CELSR2: variants seen among roughly 807,000 people sequenced by gnomAD.
CELSR2 encodes the protein cadherin EGF LAG seven-pass G-type receptor 2.
CELSR2 carries 81 observed loss-of-function variants against 251.6 expected under a neutral mutation model. The observed-to-expected ratio is 0.32, with a 90% CI of 0.27 to 0.39. The LOEUF (loss-of-function observed/expected upper bound fraction) is 0.39. Among genes scored for constraint, CELSR2 ranks in the 10% least tolerant of loss-of-function variants. The pLI, the probability that CELSR2 is intolerant of heterozygous loss-of-function variation, is 1.00. For synonymous variants in CELSR2, 1,721 were observed against 1,670.5 expected, an observed-to-expected ratio of 1.03 and a Z score of -0.74; for missense variants, 3,365 against 3,947.7, an observed-to-expected ratio of 0.85 and a Z score of 3.96.
In CELSR2 at chr1:109,249,836, C is replaced by T. The variant is rs1385944671; in HGVS notation, c.-244C>T. On this transcript the variant is annotated 5_prime_UTR_variant, in exon 1 of 34. Coordinates refer to ENST00000271332, the MANE Select transcript of CELSR2 (RefSeq NM_001408.3). Reference sequence around the variant, plus strand: ...CGGAGCGCAGGTGGAGGCGCGGCGGCAGCCCGCGGTGCTCAGGGTGACCCG... The same window carrying T: ...CGGAGCGCAGGTGGAGGCGCGGCGGTAGCCCGCGGTGCTCAGGGTGACCCG... 6.7e-6 allele frequency among the ~76,000 whole-genome samples: 1 copy of T among 149,984 alleles called. No homozygotes were observed. Among genetic ancestry groups the T allele is most frequent in the Non-Finnish European group, 1.5e-5 (1 of 67,142 alleles).
At chr1:109,260,606 C>T (rs546165466) in intron 2 of CELSR2, among the ~76,000 whole-genome samples, 2 of 152,292 alleles carry the variant, frequency 1.3e-5, no homozygotes, top group East Asian at 1.9e-4. Context: ...TCCCAGCCCT[C>T]CCGCTGTCCT....
rs368719508 is a variant in CELSR2 at position 109,269,439 on chromosome 1, G to A, written c.6828G>A (p.Pro2276=). The part of the protein sequence containing the change: ...DKRSLRVPKR[P]IINTPVVSIS... ...CCCACATCAGAGTCCCCAAACGCCC[G>A]ATCATCAACACACCCGTGGTGAGCA... Residue 2276 remains proline, a synonymous_variant, in exon 21 of 34, where the codon CCG becomes CCA. Transcript: ENST00000271332. This position sits in a 1 kb window ranked among gnomAD's most constrained non-coding sequence, Gnocchi z 6.4. The A allele has an allele frequency of 9.9e-6, 16 of 1,613,652 alleles. No homozygotes were observed. Among genetic ancestry groups the A allele is most frequent in the African/African-American group, 5.3e-5 (4 of 74,902 alleles).
chr1:109,252,392 T>C lies in CELSR2; in HGVS notation c.2313T>C (p.Ala771=), dbSNP rs1372235469. 6.2e-7 allele frequency: 1 copy of C among 1,613,230 alleles called. No homozygotes were observed. The highest frequency in any genetic ancestry group is 8.5e-7 in the Non-Finnish European group (1 of 1,180,024). ...DADTGAVTTQ[A]ELDYEDQVSY... ...ACACGGGGGCTGTCACCACCCAGGC[T>C]GAGCTGGACTATGAAGACCAAGTGT... Residue 771 remains alanine (A), a synonymous_variant, in exon 1 of 34, where the codon GCT becomes GCC. Transcript: ENST00000271332. This position sits in a 1 kb window ranked among gnomAD's most constrained non-coding sequence, Gnocchi z 4.8.
chr1:109,273,396 C>A (rs770620411), intron 32 of CELSR2, 40 bp from the exon 33 acceptor site: 1 of 1,607,646 alleles, frequency 6.2e-7, no homozygotes, highest in Non-Finnish European at 8.5e-7. Context: ...ACCTCACATT[C>A]TCCTGTGGCC....
Position 109,253,337 on chromosome 1 carries a change from C to A in CELSR2, c.3258C>A (p.Arg1086=), listed in dbSNP as rs148218426. 2 of 1,613,384 alleles carry A rather than the reference C, an allele frequency of 1.2e-6. No homozygotes were observed. Among genetic ancestry groups the A allele is most frequent in the Admixed American group, 1.7e-5 (1 of 60,028 alleles). The change falls in exon 1 of 34, where the codon CGC becomes CGA. Residue 1086 remains arginine (R), a synonymous_variant. Transcript: ENST00000271332. The stretch of plus-strand genomic sequence containing the variant: ...CCACGGGTGAGCTGAAGCTAAGCCG[C>A]GCACTGGACAACAACCGGCCTCTGG... The part of the protein sequence containing the change: ...NASTGELKLS[R]ALDNNRPLEA...
chr1:109,271,467 C>A lies in CELSR2; in HGVS notation c.7758C>A (p.Asp2586Glu). The A allele has an allele frequency of 6.2e-7, 1 of 1,614,152 alleles. No individual in the cohort carries two copies. The highest frequency in any genetic ancestry group is 1.6e-4 in the Middle Eastern group (1 of 6,062). ...WLLALLSVNS[D>E]TLLFHYLFAT... is the part of the protein sequence containing the mutation. ...TGGCACTGCTCTCTGTCAACAGCGA[C>A]ACCCTCCTCTTCCACTACCTCTTTG... The change falls in exon 27 of 34, where the codon GAC becomes GAA. Residue 2586 changes from aspartate to glutamate, a missense_variant. Physicochemically the swap from Asp to Glu is conservative, Grantham distance 45. Coordinates refer to ENST00000271332, the MANE Select transcript of CELSR2 (RefSeq NM_001408.3).
rs756446739 is a variant in CELSR2 at position 109,270,934 on chromosome 1, C to T, written c.7491C>T (p.Ala2497=). ...WGVPAFITGL[A]VGLDPEGYGN... is the part of the protein sequence containing the mutation. ...TCTGTCTCCATGCTCCAGGGCTAGC[C>T]GTGGGCCTGGACCCCGAGGGCTACG... is the stretch of plus-strand genomic sequence containing the variant. Residue 2497 remains alanine, a synonymous_variant, in exon 25 of 34, where the codon GCC becomes GCT. Transcript: ENST00000271332. The T allele has an allele frequency of 3.3e-5, 54 of 1,612,270 alleles. No individual in the cohort carries two copies. The highest frequency in any genetic ancestry group is 8.9e-5 in the East Asian group (4 of 44,878).
In CELSR2 at chr1:109,271,696, C is replaced by T. The variant is rs1656377217; in HGVS notation, c.7900C>T (p.Leu2634=). The T allele has an allele frequency of 2.5e-6, 4 of 1,614,006 alleles. No individual in the cohort carries two copies. The highest frequency in any genetic ancestry group is 3.3e-4 in the Middle Eastern group (2 of 6,062). Residue 2634 remains leucine (L), a synonymous_variant, in exon 28 of 34, where the codon CTG becomes TTG. Transcript: ENST00000271332. ...CSRKPSPDPA[L]TTKSTLTSSY... ...CCGCAAGCCCAGCCCTGACCCTGCTCTGACCACCAAGTCCACCCTGACCTC... is the reference window on the plus strand; with the variant it reads ...CCGCAAGCCCAGCCCTGACCCTGCTTTGACCACCAAGTCCACCCTGACCTC...
At chr1:109,270,843 G>A (rs1461019707) in intron 24 of CELSR2, 84 bp from the exon 25 acceptor site, 52 of 1,048,584 alleles carry the variant, frequency 5.0e-5, no homozygotes, top group Admixed American at 1.2e-4. Flanking sequence ...TTCATGCCTG[G>A]CCCTGTGAGC....
chr1:109,273,417 G>A lies in CELSR2; in HGVS notation c.8510-19G>A, dbSNP rs1239249860. The A allele has an allele frequency of 6.2e-7, 1 of 1,608,234 alleles. No individual in the cohort carries two copies. On this transcript the variant is annotated intron_variant, in intron 32 of 33. Transcript: ENST00000271332. ...CATTCTCCTGTGGCCGCACCTCACA[G>A]CCCCGCCCCGGCCCACAGGCATCCT...
intron 13 of CELSR2, 28 bp from the exon 14 acceptor site, chr1:109,265,707 G>C (rs79762317): frequency 2.5e-6 from 4 of 1,594,374 alleles, no homozygotes; most frequent in Non-Finnish European, 3.4e-6. Flanking sequence ...AGCCTGGCCA[G>C]TGACACCGTT....
In CELSR2 at chr1:109,272,649, C is replaced by T. The variant is rs1213743482; in HGVS notation, c.8064C>T (p.Ser2688=). Reference sequence around the variant, plus strand: ...GGTCTCATCTTCCTAGGGAGGAGTCCGCACTGAACCCTGGCCAAGGGCCCC... The same window carrying T: ...GGTCTCATCTTCCTAGGGAGGAGTCTGCACTGAACCCTGGCCAAGGGCCCC... The part of the protein sequence containing the change: ...SYIPFLLREE[S]ALNPGQGPPG... The change falls in exon 30 of 34, where the codon TCC becomes TCT. Residue 2688 remains serine, a synonymous_variant. Coordinates refer to ENST00000271332, the MANE Select transcript of CELSR2 (RefSeq NM_001408.3). The T allele has an allele frequency of 1.7e-5, 27 of 1,613,162 alleles. No individual in the cohort carries two copies. Among genetic ancestry groups the T allele is most frequent in the East Asian group, 2.2e-5 (1 of 44,896 alleles).
chr1:109,250,675 C>G lies in CELSR2; in HGVS notation c.596C>G (p.Pro199Arg). ...TVPENQPAGT[P>R]VASLRAIDPD... ...CCGGAGAACCAGCCAGCAGGCACCC[C>G]TGTTGCATCCCTGAGGGCCATCGAC... Residue 199 changes from proline to arginine, a missense_variant, in exon 1 of 34, where the codon CCT becomes CGT. Coordinates refer to ENST00000271332, the MANE Select transcript of CELSR2 (RefSeq NM_001408.3). The surrounding 1 kb of genome is among the most constrained non-coding windows in gnomAD (Gnocchi z 4.4). 6.2e-7 allele frequency: 1 copy of G among 1,614,154 alleles called. No homozygotes were observed. Among genetic ancestry groups the G allele is most frequent in the Non-Finnish European group, 8.5e-7 (1 of 1,180,040 alleles).
intron 1 of CELSR2, among the ~76,000 whole-genome samples, chr1:109,256,254 A>G (rs992970644): frequency 6.6e-6 from 1 of 152,134 alleles, no homozygotes; most frequent in African/African-American, 2.4e-5. Context: ...GCAGGTTAGA[A>G]GACTCAGAGG....
Position 109,261,922 on chromosome 1 carries a change from G to T in CELSR2, c.4386+26G>T. The T allele has an allele frequency of 6.4e-7, 1 of 1,555,160 alleles. No homozygotes were observed. The highest frequency in any genetic ancestry group is 1.4e-5 in the African/African-American group (1 of 73,276). Reference sequence around the variant, plus strand: ...GTGGGTGTGGAGGGCACAGAGGGTTGGGGGTTCTGTTCTTGCCTCAGGTGC... The same window carrying T: ...GTGGGTGTGGAGGGCACAGAGGGTTTGGGGTTCTGTTCTTGCCTCAGGTGC... On this transcript the variant is annotated intron_variant, in intron 5 of 33. Transcript: ENST00000271332. This position sits in a 1 kb window ranked among gnomAD's most constrained non-coding sequence, Gnocchi z 4.8.
rs1271661263 is a variant in CELSR2 at position 109,271,704 on chromosome 1, C to A, written c.7908C>A (p.Thr2636=). 1 of 1,613,840 alleles carries A rather than the reference C, an allele frequency of 6.2e-7. No homozygotes were observed. Among genetic ancestry groups the A allele is most frequent in the Non-Finnish European group, 8.5e-7 (1 of 1,180,032 alleles). The part of the protein sequence containing the change: ...RKPSPDPALT[T]KSTLTSSYNC... ...CCAGCCCTGACCCTGCTCTGACCACCAAGTCCACCCTGACCTCGGTGAGGG... is the reference window on the plus strand; with the variant it reads ...CCAGCCCTGACCCTGCTCTGACCACAAAGTCCACCCTGACCTCGGTGAGGG... The change falls in exon 28 of 34, where the codon ACC becomes ACA. Residue 2636 remains threonine (T), a synonymous_variant. Coordinates refer to ENST00000271332, the MANE Select transcript of CELSR2 (RefSeq NM_001408.3).
chr1:109,264,504 C>A lies in CELSR2; in HGVS notation c.5340C>A (p.Ser1780Arg). ...AGGGGGTTAACAGCCTGGATCCCAG[C>A]CATGGGGAGAGCATCAACGTGGAGC... is the stretch of plus-strand genomic sequence containing the variant. ...TPEGVNSLDP[S>R]HGESINVEQG... Residue 1780 changes from serine to arginine, a missense_variant, in exon 11 of 34, where the codon AGC (serine) becomes AGA (arginine). Around this residue, in one of 5 missense-constraint regions of CELSR2, gnomAD observed 2,093 missense variants for 2,382.8 expected, o/e 0.88. Coordinates refer to ENST00000271332, the MANE Select transcript of CELSR2 (RefSeq NM_001408.3). 2.5e-6 allele frequency: 4 copies of A among 1,614,092 alleles called. No homozygotes were observed. The highest frequency in any genetic ancestry group is 2.5e-6 in the Non-Finnish European group (3 of 1,179,986).
chr1:109,261,280 C>T lies in CELSR2; in HGVS notation c.4181+16C>T, dbSNP rs1448429836. The stretch of plus-strand genomic sequence containing the variant: ...TGGCCCTCTCGTGAGTGGCTGGGCA[C>T]TGGGGGTGGGGAGTGGGCCTGGTGG... On this transcript the variant is annotated intron_variant, in intron 3 of 33. Coordinates refer to ENST00000271332, the MANE Select transcript of CELSR2 (RefSeq NM_001408.3). This position sits in a 1 kb window ranked among gnomAD's most constrained non-coding sequence, Gnocchi z 4.8. The T allele has an allele frequency of 2.5e-6, 4 of 1,609,192 alleles. No homozygotes were observed. The African/African-American group carries it at 5.3e-5, about 21-fold the overall frequency.
chr1:109,265,621 C>G (rs1570787798), intron 13 of CELSR2, 114 bp from the exon 14 acceptor site: 1 of 1,277,372 alleles, frequency 7.8e-7, no homozygotes, highest in African/African-American at 1.5e-5. Context: ...GAATACTGCT[C>G]CTGAGGGGAC....
Sources: allele counts gnomAD v4.1 joint callset (sites outside exome capture counted in the v4.1 genomes callset), GRCh38; gene constraint gnomAD v4.1.1; regional missense constraint gnomAD v4.1.1; non-coding constraint Gnocchi (gnomAD v3.1); transcripts MANE v1.5; gene names NCBI Gene and HGNC (gene_info 2026-07-23, HGNC 2026-07-21).